NBPF11: variants seen among roughly 807,000 people sequenced by gnomAD.
NBPF11 encodes the protein NBPF member 11, also known as NBPF family member NBPF11.
Under a neutral mutation model 93.9 loss-of-function variants are expected in NBPF11, and 72 were observed. That is an observed-to-expected ratio of 0.77 (90% confidence interval 0.63 to 0.93). The LOEUF is 0.93. NBPF11 is among the 40% of genes least tolerant of loss of function. The probability of loss-of-function intolerance (pLI) is 0.00; values close to 1 mark genes in which losing one functional copy is unlikely to be tolerated. For synonymous variants in NBPF11, 224 were observed against 304.9 expected, an observed-to-expected ratio of 0.73 and a Z score of 2.76; for missense variants, 705 against 802.2, an observed-to-expected ratio of 0.88 and a Z score of 1.46.
At chr1:148,124,834 C>T (rs1428438210) in intron 6 of NBPF11, 65 bp downstream of exon 6, 424 of 1,557,034 alleles carry the variant, frequency 2.7e-4, no homozygotes, top group Middle Eastern at 4.6e-4. Context: ...TTCTCCCCGC[C>T]GAGCTGCTGT....
intron 9 of NBPF11, among the ~76,000 whole-genome samples, chr1:148,121,084 G>C (rs1156290452): frequency 4.0e-5 from 6 of 151,138 alleles, no homozygotes; most frequent in Admixed American, 4.0e-4. Context: ...TCACTCTGTC[G>C]CGCAGGCTGC....
At chr1:148,132,144 G>GTGTATA (rs1392331503) in intron 4 of NBPF11, among the ~76,000 whole-genome samples, 101 of 137,042 alleles carry the variant, frequency 7.4e-4, no homozygotes, top group East Asian at 2.4e-3. Flanking sequence ...GTGTGTGTGT[G>GTGTATA]TATATATATA....
At chr1:148,109,404 G>A (rs1196983428) in intron 16 of NBPF11, 69 bp from the exon 17 acceptor site, 3 of 912,138 alleles carry the variant, frequency 3.3e-6, no homozygotes, top group Non-Finnish European at 5.4e-6. Flanking sequence ...ACATTCCTCT[G>A]TCCAATCCTA....
rs1321644781 is a variant in NBPF11, at chr1:148,105,546, A to G, written c.2304-18T>C. The G allele has an allele frequency of 1.5e-5, 11 of 733,174 alleles. 1 individual carries two copies. In the East Asian group the frequency reaches 2.9e-4, roughly 20 times the overall value. The allele number at this position is 733,174 out of a possible 1,614,324, so 45.4% of individuals were successfully genotyped here. A position where few individuals can be genotyped will look rare whatever the true frequency, so the allele number is the denominator to read the frequency against. ...TGCTGAGCCTGGAAAAGGAGGAAAA[A>G]GTAAAGAATAAGCCAGGGGAAATCA... is the stretch of plus-strand genomic sequence containing the variant. On this transcript the variant is annotated intron_variant, in intron 21 of 23. Coordinates refer to ENST00000682118, the MANE Select transcript of NBPF11 (RefSeq NM_001385469.3).
rs57828027 is a variant in NBPF11 at position 148,129,322 on chromosome 1, A to T, written c.-35-2284T>A. 2.6e-4 allele frequency among the ~76,000 whole-genome samples: 38 copies of T among 145,436 alleles called. No homozygotes were observed. The East Asian group carries it at 3.4e-3, about 13-fold the overall frequency. ...ACGTGTATATATATATTATATATAT[A>T]TTTTTTCTTTTTTAAGTGGCGGAGC... On this transcript the variant is annotated intron_variant, in intron 4 of 23. Transcript: ENST00000682118.
chr1:148,126,048 T>C lies in NBPF11; in HGVS notation c.175+781A>G, dbSNP rs1447823985. Among the ~76,000 whole-genome samples, 19 of 152,130 alleles carry C rather than the reference T, an allele frequency of 1.2e-4. No homozygotes were observed. In the East Asian group the frequency reaches 1.9e-3, roughly 15 times the overall value. ...ACGAGTCTTGCCCTGTCACCCATGCTGGAGTGCAATAGTGCAATCTTGACT... is the reference window on the plus strand; with the variant it reads ...ACGAGTCTTGCCCTGTCACCCATGCCGGAGTGCAATAGTGCAATCTTGACT... On this transcript the variant is annotated intron_variant, in intron 5 of 23. Coordinates refer to ENST00000682118, the MANE Select transcript of NBPF11 (RefSeq NM_001385469.3).
At chr1:148,113,275 A>T (rs28806581) in intron 15 of NBPF11, among the ~76,000 whole-genome samples, 1 of 152,056 alleles carries the variant, frequency 6.6e-6, no homozygotes, top group African/African-American at 2.4e-5. Context: ...ATGGAGGAAG[A>T]TCTACCAAGC....
rs1317560428 is a variant in NBPF11 at position 148,103,707 on chromosome 1, G to A, written c.*189C>T. On this transcript the variant is annotated 3_prime_UTR_variant, in exon 24 of 24. Coordinates refer to ENST00000682118, the MANE Select transcript of NBPF11 (RefSeq NM_001385469.3). ...ATGACTCCCATCTGGAAGACCAGGT[G>A]GAGACTTCTCACCGTCAAAGTAAAA... The A allele has an allele frequency of 1.4e-5, 22 of 1,611,160 alleles. No individual in the cohort carries two copies. The highest frequency in any genetic ancestry group is 2.2e-4 in the Middle Eastern group (1 of 4,472).
intron 1 of NBPF11, 130 bp from the exon 2 acceptor site, chr1:148,143,816 T>TA (rs1672567577): frequency 6.6e-6 from 1 of 152,084 alleles, no homozygotes; most frequent in Non-Finnish European, 1.5e-5. Flanking sequence ...GGTGGGGAAC[T>TA]AGAGTTGGTT....
intron 18 of NBPF11, among the ~76,000 whole-genome samples, 185 bp downstream of exon 18, chr1:148,108,297 C>T (rs1253007968): frequency 1.3e-5 from 2 of 151,820 alleles, no homozygotes; most frequent in Admixed American, 6.6e-5. Context: ...GAGAGCCTTG[C>T]TCACTGACCC....
intron 20 of NBPF11, 59 bp from the exon 21 acceptor site, chr1:148,106,291 G>C: frequency 1.6e-6 from 1 of 624,882 alleles, no homozygotes; most frequent in Non-Finnish European, 2.8e-6. Context: ...ACCCATAACA[G>C]TCCACTGTCT....
intron 15 of NBPF11, among the ~76,000 whole-genome samples, chr1:148,112,201 C>A (rs1186534359): frequency 6.8e-6 from 1 of 147,520 alleles, no homozygotes; most frequent in African/African-American, 2.6e-5. Flanking sequence ...ACGTGCACAA[C>A]GTGCAGCTTA....
At chr1:148,129,156 T>C (rs1218894568) in intron 4 of NBPF11, among the ~76,000 whole-genome samples, 2 of 115,350 alleles carry the variant, frequency 1.7e-5, no homozygotes, top group Admixed American at 8.3e-5. Context: ...GTATATATAT[T>C]ATATATATAT....
intron 2 of NBPF11, among the ~76,000 whole-genome samples, chr1:148,139,104 T>C (rs1484489302): frequency 1.3e-5 from 2 of 151,556 alleles, no homozygotes; most frequent in South Asian, 2.1e-4. Flanking sequence ...AAAAAAAAGA[T>C]AAAATAAAAT....
chr1:148,110,899 GA>G (rs1423008129), intron 15 of NBPF11, among the ~76,000 whole-genome samples: 1 of 151,798 alleles, frequency 6.6e-6, no homozygotes, highest in Non-Finnish European at 1.5e-5. Flanking sequence ...CAAGTGAAGA[GA>G]GTTCTTGACG....
Position 148,149,625 on chromosome 1 carries a change from C to A in NBPF11, c.-549+2125G>T, listed in dbSNP as rs1436429448. The A allele has an allele frequency of 3.7e-5, 55 of 1,491,294 alleles. 1 individual carries two copies. The highest frequency in any genetic ancestry group is 4.7e-5 in the Non-Finnish European group (52 of 1,103,582). 92.4% of individuals were successfully genotyped at this position (1,491,294 alleles called of 1,614,324 possible). A position where few individuals can be genotyped will look rare whatever the true frequency, so the allele number is the denominator to read the frequency against. ...GGCGGCCCCCGGACCTCACCCCGCGCCGGCCCCCACCCAGGGGCTGCATGT... is the reference window on the plus strand; with the variant it reads ...GGCGGCCCCCGGACCTCACCCCGCGACGGCCCCCACCCAGGGGCTGCATGT... On this transcript the variant is annotated intron_variant, in intron 1 of 23. Coordinates refer to ENST00000682118, the MANE Select transcript of NBPF11 (RefSeq NM_001385469.3).
Position 148,124,946 on chromosome 1 carries a change from G to A in NBPF11, c.231C>T (p.Phe77=), listed in dbSNP as rs587675863. The change falls in exon 6 of 24, where the codon TTC becomes TTT. Residue 77 remains phenylalanine (F), a synonymous_variant. Transcript: ENST00000682118. ...IKFMLRNERQ[F]KEEKLAEQLK... The stretch of plus-strand genomic sequence containing the variant: ...GCTGCTCTGCAAGCTTCTCCTCCTT[G>A]AACTGTCGCTCATTCCTCAGCATAA... The A allele has an allele frequency of 5.6e-6, 9 of 1,609,568 alleles. 1 individual carries two copies. The South Asian group carries it at 9.9e-5, about 18-fold the overall frequency.
intron 12 of NBPF11, among the ~76,000 whole-genome samples, chr1:148,116,784 T>C (rs1468777809): frequency 6.6e-6 from 1 of 152,194 alleles, no homozygotes; most frequent in African/African-American, 2.4e-5. Flanking sequence ...CCCATATCAC[T>C]GGAGGCTTGT....
At chr1:148,142,123 G>A (rs1395546494) in intron 2 of NBPF11, among the ~76,000 whole-genome samples, 3 of 149,920 alleles carry the variant, frequency 2.0e-5, no homozygotes, top group Non-Finnish European at 4.4e-5. Context: ...AGAATAAAGA[G>A]AGAGAGAAAG....
Sources: gnomAD v4.1 joint callset for allele counts (sites outside exome capture counted in the v4.1 genomes callset) on GRCh38, gnomAD v4.1.1 for gene constraint, MANE v1.5 for transcripts, NCBI Gene and HGNC (gene_info 2026-07-23, HGNC 2026-07-21) for gene names.